Variants in ZBTB38 observed in about 807,000 individuals in gnomAD.
The protein encoded by ZBTB38 is zinc finger and BTB domain containing 38.
Under a neutral mutation model 76.8 loss-of-function variants are expected in ZBTB38, and 20 were observed. The observed-to-expected ratio is 0.26, with a 90% CI of 0.18 to 0.38. ZBTB38 has a LOEUF of 0.38. ZBTB38 is among the 10% of genes least tolerant of loss of function. The pLI, the probability that ZBTB38 is intolerant of heterozygous loss-of-function variation, is 1.00. For missense variants in ZBTB38, 1,082 were observed against 1,482.3 expected (o/e 0.73, Z 4.43); for synonymous variants, 504 against 544.2 (o/e 0.93, Z 1.03).
At chr3:141,358,732 A>G (rs2148952680) in intron 1 of ZBTB38, among the ~76,000 whole-genome samples, 1 of 152,286 alleles carries the variant, frequency 6.6e-6, no homozygotes, top group Admixed American at 6.5e-5. Context: ...CTAAGCCCCT[A>G]TCTCCATCCC....
chr3:141,414,284 G>A (rs2073402675), intron 5 of ZBTB38, among the ~76,000 whole-genome samples: 1 of 152,184 alleles, frequency 6.6e-6, no homozygotes, highest in African/African-American at 2.4e-5. Context: ...GCCGAATGGA[G>A]CCTATGGACT....
At chr3:141,425,313 A>G (rs1478039548) in intron 5 of ZBTB38, among the ~76,000 whole-genome samples, 1 of 152,206 alleles carries the variant, frequency 6.6e-6, no homozygotes, top group African/African-American at 2.4e-5. Context: ...TGGTAACTCT[A>G]CGTATACATT....
At chr3:141,384,850 A>T (rs1348360190) in intron 3 of ZBTB38, 4 of 152,256 alleles carry the variant, frequency 2.6e-5, no homozygotes, top group African/African-American at 9.7e-5. Flanking sequence ...TACTCCAAAG[A>T]GAAGAGGACT....
At chr3:141,441,281 C>G (rs2080155159) in intron 5 of ZBTB38, among the ~76,000 whole-genome samples, 1 of 152,068 alleles carries the variant, frequency 6.6e-6, no homozygotes, top group African/African-American at 2.4e-5. Flanking sequence ...ATAGAAAATA[C>G]AGAGAAGAAT....
chr3:141,356,953 T>C (rs1435430925), intron 1 of ZBTB38, among the ~76,000 whole-genome samples: 1 of 152,254 alleles, frequency 6.6e-6, no homozygotes, highest in Non-Finnish European at 1.5e-5. Context: ...TATCTGTTCA[T>C]TGCAGAAAAT....
At chr3:141,325,677 A>G (rs2148866709) in intron 1 of ZBTB38, among the ~76,000 whole-genome samples, 1 of 152,374 alleles carries the variant, frequency 6.6e-6, no homozygotes, top group Middle Eastern at 3.4e-3. Context: ...AGCTTTGCAA[A>G]GATTGCATTA....
intron 5 of ZBTB38, among the ~76,000 whole-genome samples, chr3:141,417,983 C>T (rs1233230875): frequency 2.0e-5 from 3 of 152,166 alleles, no homozygotes; most frequent in South Asian, 2.1e-4. Flanking sequence ...CATTGCACTC[C>T]GGCCTGGTGA....
intron 2 of ZBTB38, among the ~76,000 whole-genome samples, chr3:141,373,430 C>T (rs902028017): frequency 1.3e-5 from 2 of 152,192 alleles, no homozygotes; most frequent in Admixed American, 1.3e-4. Context: ...AGCTCTTACA[C>T]TAGTTGAGTA....
chr3:141,412,269 C>T (rs1442917773), intron 5 of ZBTB38, among the ~76,000 whole-genome samples: 3 of 152,178 alleles, frequency 2.0e-5, no homozygotes, highest in Non-Finnish European at 4.4e-5. Flanking sequence ...AGACGATTAC[C>T]CTTGTGAAAG....
intron 1 of ZBTB38, among the ~76,000 whole-genome samples, chr3:141,334,365 C>T (rs2148888468): frequency 6.6e-6 from 1 of 152,108 alleles, no homozygotes. Flanking sequence ...TGCCTTCCTT[C>T]TTTCCTCCCT....
intron 1 of ZBTB38, among the ~76,000 whole-genome samples, chr3:141,341,694 C>T (rs1943202756): frequency 6.6e-6 from 1 of 152,106 alleles, no homozygotes; most frequent in Admixed American, 6.5e-5. Flanking sequence ...GAAAGTCTTC[C>T]AAGAAGGAAC....
At chr3:141,418,088 T>C (rs956953251) in intron 5 of ZBTB38, among the ~76,000 whole-genome samples, 4 of 152,116 alleles carry the variant, frequency 2.6e-5, no homozygotes, top group African/African-American at 4.8e-5. Context: ...GAATCTTGAA[T>C]TGGGGCCTGA....
At chr3:141,340,984 A>AAGAAAGAAAGAAAGAAAGAAAGAAAG (rs1559913290) in intron 1 of ZBTB38, among the ~76,000 whole-genome samples, 94 of 144,220 alleles carry the variant, frequency 6.5e-4, no homozygotes, top group Admixed American at 1.6e-3. Context: ...GAAAGAAAGA[A>AAGAAAGAAAGAAAGAAAGAAAGAAAG]AGAAAGAGAA....
intron 5 of ZBTB38, among the ~76,000 whole-genome samples, chr3:141,431,516 A>ACT (rs2077605909): frequency 6.6e-6 from 1 of 151,670 alleles, no homozygotes; most frequent in Non-Finnish European, 1.5e-5. Context: ...AAGGCACACG[A>ACT]GCTACCCTGA....
intron 5 of ZBTB38, among the ~76,000 whole-genome samples, chr3:141,426,928 C>T (rs2076511351): frequency 6.6e-6 from 1 of 152,068 alleles, no homozygotes; most frequent in African/African-American, 2.4e-5. Flanking sequence ...TCTGTTTTAT[C>T]TTATGCAGCT....
intron 2 of ZBTB38, among the ~76,000 whole-genome samples, chr3:141,370,436 G>C (rs1387773210): frequency 6.6e-6 from 1 of 152,246 alleles, no homozygotes; most frequent in Non-Finnish European, 1.5e-5. Context: ...GGGAAATGTA[G>C]TCCTTGGTGG....
At chr3:141,393,273 C>A (rs915391006) in intron 4 of ZBTB38, among the ~76,000 whole-genome samples, 2 of 152,244 alleles carry the variant, frequency 1.3e-5, no homozygotes, top group Non-Finnish European at 2.9e-5. Flanking sequence ...AAATCTCCCA[C>A]CCTGTCTGAG....
chr3:141,348,794 T>A (rs1943437325), intron 1 of ZBTB38, among the ~76,000 whole-genome samples: 1 of 152,104 alleles, frequency 6.6e-6, no homozygotes, highest in South Asian at 2.1e-4. Context: ...CCCACTAAAA[T>A]GATAGTAATG....
Position 141,413,293 on chromosome 3 carries a change from C to G in ZBTB38, c.-1+9262C>G, listed in dbSNP as rs561706005. The stretch of plus-strand genomic sequence containing the variant: ...CAGCCACCTTCCTGCAGGAGGTCCT[C>G]ACACCCCAGACGGTCAGAATGCTCC... On this transcript the variant is annotated intron_variant, in intron 5 of 5. Coordinates refer to ENST00000321464, the MANE Select transcript of ZBTB38 (RefSeq NM_001376113.1). This position sits in a 1 kb window ranked among gnomAD's most constrained non-coding sequence, Gnocchi z 4.1. 6.6e-6 allele frequency among the ~76,000 whole-genome samples: 1 copy of G among 152,322 alleles called. No individual in the cohort carries two copies. Among genetic ancestry groups the G allele is most frequent in the African/African-American group, 2.4e-5 (1 of 41,574 alleles).
Sources: gnomAD v4.1 joint callset for allele counts (sites outside exome capture counted in the v4.1 genomes callset) on GRCh38, gnomAD v4.1.1 for gene constraint, Gnocchi (gnomAD v3.1) non-coding constraint, MANE v1.5 for transcripts, NCBI Gene and HGNC (gene_info 2026-07-23, HGNC 2026-07-21) for gene names.